Variants in BRINP1 observed in about 807,000 individuals in gnomAD.
BRINP1 encodes the protein BMP/retinoic acid-inducible neural-specific protein 1.
Under a neutral mutation model 72.9 loss-of-function variants are expected in BRINP1, and 17 were observed. The observed-to-expected ratio is 0.23, with a 90% CI of 0.16 to 0.35. The LOEUF (loss-of-function observed/expected upper bound fraction) is 0.35, where lower values mean the gene tolerates loss of function less well. Among genes scored for constraint, BRINP1 ranks in the 10% least tolerant of loss-of-function variants. The pLI, the probability that BRINP1 is intolerant of heterozygous loss-of-function variation, is 1.00. For synonymous variants in BRINP1, 418 were observed against 378.5 expected, an observed-to-expected ratio of 1.10 and a Z score of -1.21; for missense variants, 850 against 1,001.6, an observed-to-expected ratio of 0.85 and a Z score of 2.04.
At chr9:119,323,790 T>C (rs183081050) in intron 1 of BRINP1, among the ~76,000 whole-genome samples, 1 of 152,342 alleles carries the variant, frequency 6.6e-6, no homozygotes, top group Admixed American at 6.5e-5. Context: ...AGGTCAAGGT[T>C]AGCAAGATGG....
At chr9:119,189,004 T>G (rs1348224477) in intron 7 of BRINP1, among the ~76,000 whole-genome samples, 2 of 152,090 alleles carry the variant, frequency 1.3e-5, no homozygotes, top group Non-Finnish European at 2.9e-5. Flanking sequence ...TCTTAAGGAA[T>G]GCACAGTATA....
At chr9:119,284,401 C>T (rs1830740652) in intron 2 of BRINP1, among the ~76,000 whole-genome samples, 1 of 152,206 alleles carries the variant, frequency 6.6e-6, no homozygotes, top group Non-Finnish European at 1.5e-5. Flanking sequence ...CAGCTGTGCC[C>T]TAGCTCTGTG....
intron 4 of BRINP1, among the ~76,000 whole-genome samples, chr9:119,240,137 C>T (rs983694381): frequency 5.3e-5 from 8 of 152,008 alleles, no homozygotes; most frequent in African/African-American, 1.2e-4. Context: ...GGCATGGTGG[C>T]GCGCACCTGT....
chr9:119,173,336 C>T (rs377520921), intron 7 of BRINP1, among the ~76,000 whole-genome samples: 1,679 of 145,152 alleles, frequency 0.012, 32 homozygotes, highest in African/African-American at 0.041. Flanking sequence ...TATACACCAA[C>T]AACAGACAAA....
intron 2 of BRINP1, among the ~76,000 whole-genome samples, chr9:119,266,681 C>T (rs2763180): frequency 0.28 from 42,148 of 152,012 alleles, 6,924 homozygotes; most frequent in African/African-American, 0.45. Context: ...TCTCTGGTAA[C>T]CACCATTCTA....
At chr9:119,351,624 T>G (rs10984500) in intron 1 of BRINP1, among the ~76,000 whole-genome samples, 38,747 of 151,950 alleles carry the variant, frequency 0.25, 5,988 homozygotes, top group Non-Finnish European at 0.34. Flanking sequence ...AGAAACCAGA[T>G]AGTCACATAT....
In BRINP1 at chr9:119,213,716, T is replaced by C. The variant is rs367607412; in HGVS notation, c.922+203A>G. 1.1e-4 allele frequency: 70 copies of C among 646,966 alleles called. 2 individuals are homozygous for C. The highest frequency in any genetic ancestry group is 1.0e-3 in the African/African-American group (57 of 55,598). The allele number at this position is 646,966 out of a possible 1,614,324, so 40.1% of individuals were successfully genotyped here. On this transcript the variant is annotated intron_variant, in intron 6 of 7. Coordinates refer to ENST00000265922, the MANE Select transcript of BRINP1 (RefSeq NM_014618.3). ...CATCATATGACCACAAACTGGATTA[T>C]GCTATTCATTAATTTTATTCAGTTG...
intron 2 of BRINP1, among the ~76,000 whole-genome samples, chr9:119,296,354 G>C (rs4836754): frequency 0.27 from 41,606 of 151,974 alleles, 6,594 homozygotes; most frequent in Non-Finnish European, 0.35. Flanking sequence ...TACCTTGCAC[G>C]TGTTAGAATA....
intron 5 of BRINP1, 135 bp from the exon 6 acceptor site, chr9:119,214,290 G>A: frequency 1.5e-6 from 1 of 668,932 alleles, no homozygotes; most frequent in Non-Finnish European, 2.6e-6. Flanking sequence ...ATATTTCTGG[G>A]CCAACCTAGA....
chr9:119,264,275 T>C (rs1374720780), intron 2 of BRINP1, among the ~76,000 whole-genome samples: 1 of 152,152 alleles, frequency 6.6e-6, no homozygotes, highest in African/African-American at 2.4e-5. Flanking sequence ...GAAGTCTTAG[T>C]GGGATTAAAT....
chr9:119,265,691 C>T (rs1830541149), intron 2 of BRINP1, among the ~76,000 whole-genome samples: 1 of 152,100 alleles, frequency 6.6e-6, no homozygotes, highest in African/African-American at 2.4e-5. Context: ...CTCAGTTGAC[C>T]CCATGACTTG....
chr9:119,171,098 A>C (rs1194658390), intron 7 of BRINP1, among the ~76,000 whole-genome samples: 1 of 151,010 alleles, frequency 6.6e-6, no homozygotes, highest in Non-Finnish European at 1.5e-5. Flanking sequence ...ACCAGCTAAC[A>C]TCATAATGAC....
intron 2 of BRINP1, among the ~76,000 whole-genome samples, chr9:119,291,144 GA>G (rs1421945497): frequency 6.8e-6 from 1 of 147,548 alleles, no homozygotes; most frequent in Non-Finnish European, 1.5e-5. Flanking sequence ...AAAAAAATTA[GA>G]AAAAGTTGCT....
intron 2 of BRINP1, among the ~76,000 whole-genome samples, chr9:119,260,059 G>A (rs1830482336): frequency 1.3e-5 from 2 of 152,170 alleles, no homozygotes; most frequent in South Asian, 4.1e-4. Context: ...CCCTGTCCCT[G>A]TTTGAAACTA....
At chr9:119,209,165 A>G (rs764728286) in intron 6 of BRINP1, among the ~76,000 whole-genome samples, 27 of 152,218 alleles carry the variant, frequency 1.8e-4, no homozygotes, top group Non-Finnish European at 2.9e-4. Context: ...ATTCTTGCTT[A>G]AGACAGGGCT....
intron 1 of BRINP1, among the ~76,000 whole-genome samples, chr9:119,314,116 G>C (rs1831100600): frequency 1.3e-5 from 2 of 152,152 alleles, no homozygotes; most frequent in African/African-American, 4.8e-5. Context: ...AAGAAACATG[G>C]CCAGAGAATT....
At chr9:119,367,391 C>A (rs1053467659) in intron 1 of BRINP1, among the ~76,000 whole-genome samples, 3 of 151,852 alleles carry the variant, frequency 2.0e-5, no homozygotes, top group Non-Finnish European at 4.4e-5. Context: ...AGCCTCCCTG[C>A]CTGAGAGCAG....
intron 7 of BRINP1, among the ~76,000 whole-genome samples, chr9:119,190,775 A>G (rs1350769665): frequency 4.6e-5 from 7 of 151,988 alleles, no homozygotes; most frequent in African/African-American, 1.2e-4. Flanking sequence ...AAATAGAGCT[A>G]GAGGGAATAC....
At chr9:119,325,577 C>G (rs1831231317) in intron 1 of BRINP1, among the ~76,000 whole-genome samples, 1 of 152,206 alleles carries the variant, frequency 6.6e-6, no homozygotes, top group Non-Finnish European at 1.5e-5. Flanking sequence ...CTAAGCCTAT[C>G]CTCGTTTGAC....
Sources: gnomAD v4.1 joint callset for allele counts (sites outside exome capture counted in the v4.1 genomes callset) on GRCh38, gnomAD v4.1.1 for gene constraint, MANE v1.5 for transcripts, NCBI Gene and HGNC (gene_info 2026-07-23, HGNC 2026-07-21) for gene names.